Variants in SLC4A5 observed in about 807,000 individuals in gnomAD.
SLC4A5 encodes the protein electrogenic sodium bicarbonate cotransporter 4.
Under a neutral mutation model 120.4 loss-of-function variants are expected in SLC4A5, and 96 were observed. The ratio of observed to expected loss-of-function variants is 0.80; its 90% CI spans 0.68 to 0.94. The LOEUF (loss-of-function observed/expected upper bound fraction) is 0.94. Among genes scored for constraint, SLC4A5 ranks in the 40% least tolerant of loss-of-function variants. SLC4A5 has a pLI of 0.00. For synonymous variants in SLC4A5, 550 were observed against 571.1 expected, an observed-to-expected ratio of 0.96 and a Z score of 0.53; for missense variants, 1,259 against 1,459.5, an observed-to-expected ratio of 0.86 and a Z score of 2.24.
chr2:74,313,744 T>C (rs1045271269), intron 6 of SLC4A5, among the ~76,000 whole-genome samples: 6 of 152,194 alleles, frequency 3.9e-5, no homozygotes, highest in Non-Finnish European at 5.9e-5. Flanking sequence ...AGATAAGCAG[T>C]AGACACTAGC....
rs1421383442 is a variant in SLC4A5 at position 74,313,450 on chromosome 2, T to C, written c.79+1495A>G. Reference sequence around the variant, plus strand: ...AGACAGATGTTTTATGAGTCTACTCTGGTTGGTGCATTCCTAGGTACTAGG... The same window carrying C: ...AGACAGATGTTTTATGAGTCTACTCCGGTTGGTGCATTCCTAGGTACTAGG... On this transcript the variant is annotated intron_variant, in intron 6 of 30. Coordinates refer to ENST00000394019, the Ensembl canonical transcript of SLC4A5. Among the ~76,000 whole-genome samples, 8 of 152,216 alleles carry C rather than the reference T, an allele frequency of 5.3e-5. No individual in the cohort carries two copies. The East Asian group carries it at 1.3e-3, about 26-fold the overall frequency.
intron 6 of SLC4A5, among the ~76,000 whole-genome samples, chr2:74,310,896 T>C (rs991578890): frequency 1.2e-4 from 18 of 152,054 alleles, no homozygotes; most frequent in Admixed American, 5.2e-4. Context: ...CCTTAAATGT[T>C]TGGTAGAATT....
At chr2:74,307,148 T>C in intron 6 of SLC4A5, 1 of 559,308 alleles carries the variant, frequency 1.8e-6, no homozygotes. Context: ...TCTCAGCAGC[T>C]CCAACCTTGG....
intron 8 of SLC4A5, among the ~76,000 whole-genome samples, chr2:74,276,983 G>GA (rs1437889882): frequency 6.6e-6 from 1 of 152,142 alleles, no homozygotes; most frequent in East Asian, 1.9e-4. Flanking sequence ...GAAGCAGAGA[G>GA]AAAGAGGACA....
chr2:74,284,651 C>G (rs1379183232), intron 8 of SLC4A5, among the ~76,000 whole-genome samples: 3 of 152,132 alleles, frequency 2.0e-5, no homozygotes, highest in Non-Finnish European at 4.4e-5. Flanking sequence ...CCATAGCCTT[C>G]CTTCCCCTTG....
chr2:74,228,353 T>C (rs1279865981), intron 25 of SLC4A5, among the ~76,000 whole-genome samples: 2 of 151,788 alleles, frequency 1.3e-5, no homozygotes, highest in African/African-American at 4.8e-5. Context: ...TCCGGCCGGG[T>C]GTGGTGGCTC....
rs753976250 is a variant in SLC4A5 at position 74,265,082 on chromosome 2, C to T, written c.562+22G>A. The T allele has an allele frequency of 3.1e-6, 5 of 1,604,092 alleles. No homozygotes were observed. The South Asian group carries it at 3.3e-5, about 11-fold the overall frequency. ...GTTTGCAGGGACCACAGGAGAGATGCACACAGTGGCCCCTGCCTCACCTAT... is the reference window on the plus strand; with the variant it reads ...GTTTGCAGGGACCACAGGAGAGATGTACACAGTGGCCCCTGCCTCACCTAT... On this transcript the variant is annotated intron_variant, in intron 9 of 30. Coordinates refer to ENST00000394019, the Ensembl canonical transcript of SLC4A5.
chr2:74,262,623 C>T (rs145373197), intron 10 of SLC4A5, among the ~76,000 whole-genome samples: 9,379 of 151,336 alleles, frequency 0.062, 581 homozygotes, highest in African/African-American at 0.16. Context: ...CACTTGAATC[C>T]AGGAGGCAGA....
intron 4 of SLC4A5, among the ~76,000 whole-genome samples, chr2:74,333,547 T>C (rs1349350183): frequency 6.6e-6 from 1 of 152,192 alleles, no homozygotes; most frequent in Non-Finnish European, 1.5e-5. Context: ...TTACATAGCA[T>C]TTACATTGTA....
intron 8 of SLC4A5, among the ~76,000 whole-genome samples, chr2:74,273,102 T>A (rs1162375014): frequency 6.6e-6 from 1 of 152,214 alleles, no homozygotes; most frequent in African/African-American, 2.4e-5. Flanking sequence ...CTCAGGGGAC[T>A]GACAATCAGA....
chr2:74,311,134 C>A (rs1016111477), intron 6 of SLC4A5, among the ~76,000 whole-genome samples: 2 of 152,008 alleles, frequency 1.3e-5, no homozygotes, highest in African/African-American at 4.8e-5. Context: ...CTTTTAATGT[C>A]CATGGAATCA....
chr2:74,262,345 C>T (rs1671165804), intron 10 of SLC4A5, 113 bp from the exon 11 acceptor site: 2 of 628,906 alleles, frequency 3.2e-6, no homozygotes, highest in Admixed American at 3.1e-5. Context: ...ATGTCTCTTC[C>T]CCTTCTGGGA....
intron 8 of SLC4A5, among the ~76,000 whole-genome samples, chr2:74,268,168 ACT>A (rs1671364339): frequency 6.6e-6 from 1 of 152,000 alleles, no homozygotes; most frequent in Non-Finnish European, 1.5e-5. Flanking sequence ...CACAAGATAC[ACT>A]CTGTTAATGT....
At chr2:74,237,526 T>C (rs970441515) in intron 21 of SLC4A5, among the ~76,000 whole-genome samples, 14 of 152,234 alleles carry the variant, frequency 9.2e-5, no homozygotes, top group Non-Finnish European at 1.9e-4. Context: ...GTTTATATAC[T>C]GTGAAGCTTC....
chr2:74,333,385 T>A (rs1220943126), intron 4 of SLC4A5, among the ~76,000 whole-genome samples: 1 of 152,118 alleles, frequency 6.6e-6, no homozygotes, highest in Non-Finnish European at 1.5e-5. Flanking sequence ...GAGAGGGAGC[T>A]AAAGATTCTT....
intron 19 of SLC4A5, among the ~76,000 whole-genome samples, chr2:74,245,458 G>A (rs892482080): frequency 5.9e-5 from 9 of 152,186 alleles, no homozygotes; most frequent in South Asian, 4.1e-4. Flanking sequence ...ATACAAGCAC[G>A]TAGGAGGGCC....
At chr2:74,231,250 C>G in exon 25 of SLC4A5, 1 of 1,611,274 alleles carries the variant, frequency 6.2e-7, no homozygotes, top group Non-Finnish European at 8.5e-7. Context: ...AGGATGGGAG[C>G]CAGGAAGACA....
At chr2:74,229,511 C>A (rs140196023) in intron 25 of SLC4A5, among the ~76,000 whole-genome samples, 43 of 152,242 alleles carry the variant, frequency 2.8e-4, no homozygotes, top group Non-Finnish European at 5.9e-4. Flanking sequence ...CTGCCTCGGC[C>A]TCCCAAAGTG....
intron 2 of SLC4A5, among the ~76,000 whole-genome samples, chr2:74,340,520 G>A (rs1293367674): frequency 6.6e-6 from 1 of 152,102 alleles, no homozygotes; most frequent in Non-Finnish European, 1.5e-5. Context: ...ATGGGTGGGG[G>A]CAGAAGCAGA....
Sources: allele counts gnomAD v4.1 joint callset (sites outside exome capture counted in the v4.1 genomes callset), GRCh38; gene constraint gnomAD v4.1.1; transcripts MANE v1.5; gene names NCBI Gene and HGNC (gene_info 2026-07-23, HGNC 2026-07-21).